The following ST8SIA6 variants were observed in gnomAD, a reference collection of about 807,000 sequenced individuals.
ST8SIA6 encodes the protein ST8 alpha-N-acetyl-neuraminide alpha-2,8-sialyltransferase 6, also known as alpha-2,8-sialyltransferase 8F.
A neutral mutation model predicts 33.6 loss-of-function variants in ST8SIA6; 39 were observed. The ratio of observed to expected loss-of-function variants is 1.16; its 90% CI spans 0.90 to 1.52. The LOEUF is 1.52. Ranked by LOEUF, ST8SIA6 falls within the 40% of genes most tolerant of loss-of-function variation. The pLI is 0.00. For synonymous variants in ST8SIA6, 172 were observed against 167.2 expected (o/e 1.03, Z -0.22); for missense variants, 441 against 443.8 (o/e 0.99, Z 0.06).
At chr10:17,429,471 C>T (rs533360132) in intron 2 of ST8SIA6, among the ~76,000 whole-genome samples, 4 of 151,850 alleles carry the variant, frequency 2.6e-5, no homozygotes, top group African/African-American at 4.8e-5. Flanking sequence ...CACAGCTCAG[C>T]GGCTGCTTTT....
rs572221878 is a variant in ST8SIA6 at position 17,315,667 on chromosome 10, T to C, written c.*5211A>G. Among the ~76,000 whole-genome samples the C allele has an allele frequency of 5.3e-5, 8 of 151,978 alleles. No individual in the cohort carries two copies. The East Asian group carries it at 1.5e-3, about 29-fold the overall frequency. ...TCCATTTATATAAAATTCTAAAAAA[T>C]GTAAACAGTCTATAGTGTAAAAATG... On this transcript the variant is annotated 3_prime_UTR_variant, in exon 8 of 8. Transcript: ENST00000377602.
rs906724686 is a variant in ST8SIA6, at chr10:17,454,171, C to T, written c.85G>A (p.Ala29Thr). 25 of 279,712 alleles carry T rather than the reference C, an allele frequency of 8.9e-5. No individual in the cohort carries two copies. Among genetic ancestry groups the T allele is most frequent in the Non-Finnish European group, 1.4e-4 (21 of 152,476 alleles). 17.3% of individuals were successfully genotyped at this position (279,712 alleles called of 1,614,324 possible). ...LLRLLWCPAD[A>T]PGRARILVEE... ...GTGGGTTACCTGGCGCGGCCGGGCG[C>T]GTCTGCCGGGCACCAGAGCAGGCGC... The change falls in exon 1 of 8, where the codon GCG (alanine) becomes ACG (threonine). Residue 29 changes from alanine to threonine, a missense_variant. Coordinates refer to ENST00000377602, the MANE Select transcript of ST8SIA6 (RefSeq NM_001004470.3). The surrounding 1 kb of genome is among the most constrained non-coding windows in gnomAD (Gnocchi z 4.1).
chr10:17,339,653 G>A (rs1465440435), intron 4 of ST8SIA6, among the ~76,000 whole-genome samples: 1 of 151,956 alleles, frequency 6.6e-6, no homozygotes, highest in Non-Finnish European at 1.5e-5. Context: ...CATTTGACAT[G>A]TAATTCATGG....
chr10:17,354,923 T>A (rs943516303), intron 4 of ST8SIA6, among the ~76,000 whole-genome samples: 2 of 152,180 alleles, frequency 1.3e-5, no homozygotes, highest in African/African-American at 2.4e-5. Context: ...TAGTTAAGCC[T>A]TTCATGTTTC....
rs1248914538 is a variant in ST8SIA6, at chr10:17,319,681, A to G, written c.*1197T>C. Among the ~76,000 whole-genome samples the G allele has an allele frequency of 6.6e-6, 1 of 152,034 alleles. No individual in the cohort carries two copies. The highest frequency in any genetic ancestry group is 1.5e-5 in the Non-Finnish European group (1 of 68,012). ...TTAAGATAGGATATTATATGGGAAA[A>G]AAAAGTAAGCTCTAAATGTCCTAAC... On this transcript the variant is annotated 3_prime_UTR_variant, in exon 8 of 8. Transcript: ENST00000377602.
rs60070400 is a variant in ST8SIA6, at chr10:17,427,103, G to GAA, written c.200+26454_200+26455dup. On this transcript the variant is annotated intron_variant, in intron 2 of 7. Coordinates refer to ENST00000377602, the MANE Select transcript of ST8SIA6 (RefSeq NM_001004470.3). Reference sequence around the variant, plus strand: ...TGGGAGACAGAGCAAGACTGTGTCTGAAAAAAAAAAAAAAAGTTCTGTGCA... The same window carrying GAA: ...TGGGAGACAGAGCAAGACTGTGTCTGAAAAAAAAAAAAAAAAAGTTCTGTGCA... 4.1e-3 allele frequency among the ~76,000 whole-genome samples: 541 copies of GAA among 133,518 alleles called. 1 individual carries two copies. Among genetic ancestry groups the GAA allele is most frequent in the Non-Finnish European group, 6.2e-3 (388 of 62,602 alleles). 87.6% of individuals were successfully genotyped at this position (133,518 alleles called of 152,430 possible).
At chr10:17,406,187 C>T (rs1364419339) in intron 2 of ST8SIA6, among the ~76,000 whole-genome samples, 1 of 152,152 alleles carries the variant, frequency 6.6e-6, no homozygotes, top group African/African-American at 2.4e-5. Flanking sequence ...CTTCTGTTTG[C>T]CTAAAAGCAG....
chr10:17,442,971 T>C (rs777540800), intron 2 of ST8SIA6, among the ~76,000 whole-genome samples: 5 of 152,164 alleles, frequency 3.3e-5, no homozygotes, highest in Non-Finnish European at 5.9e-5. Context: ...GTGAAAAAGA[T>C]AGACAAGGCT....
chr10:17,365,464 A>G (rs976927346), intron 3 of ST8SIA6, among the ~76,000 whole-genome samples: 8 of 152,218 alleles, frequency 5.3e-5, no homozygotes, highest in African/African-American at 1.9e-4. Flanking sequence ...GGAACCTTCC[A>G]GAAATAAACA....
chr10:17,323,224 TGC>T, intron 6 of ST8SIA6, 67 bp from the exon 7 acceptor site: 6 of 853,980 alleles, frequency 7.0e-6, no homozygotes, highest in Admixed American at 2.1e-5. Context: ...TACACACATA[TGC>T]GCGCACACAC....
chr10:17,422,736 A>C (rs1361158129), intron 2 of ST8SIA6, among the ~76,000 whole-genome samples: 1 of 152,186 alleles, frequency 6.6e-6, no homozygotes, highest in African/African-American at 2.4e-5. Flanking sequence ...TGCTGTGTCT[A>C]TGTCTTTACA....
At chr10:17,424,549 C>T (rs1851874943) in intron 2 of ST8SIA6, among the ~76,000 whole-genome samples, 1 of 152,056 alleles carries the variant, frequency 6.6e-6, no homozygotes, top group African/African-American at 2.4e-5. Flanking sequence ...AAAGATTGTG[C>T]TCTGATTGTC....
At chr10:17,439,201 A>G (rs759596631) in intron 2 of ST8SIA6, among the ~76,000 whole-genome samples, 3 of 151,872 alleles carry the variant, frequency 2.0e-5, no homozygotes, top group South Asian at 2.1e-4. Flanking sequence ...TTAGGTATTC[A>G]GCTTTTTACA....
chr10:17,371,800 A>G (rs554642765), intron 3 of ST8SIA6, among the ~76,000 whole-genome samples: 43 of 144,086 alleles, frequency 3.0e-4, no homozygotes, highest in African/African-American at 6.9e-4. Context: ...AAAAAAAAAA[A>G]AAAGAAAGAA....
chr10:17,450,490 G>C (rs1198126664), intron 2 of ST8SIA6, among the ~76,000 whole-genome samples: 2 of 152,126 alleles, frequency 1.3e-5, no homozygotes, highest in Non-Finnish European at 2.9e-5. Flanking sequence ...ACCCAGGCTG[G>C]AGTGCAGTGT....
chr10:17,448,966 T>C (rs1176076384), intron 2 of ST8SIA6, among the ~76,000 whole-genome samples: 8 of 151,228 alleles, frequency 5.3e-5, no homozygotes, highest in Non-Finnish European at 4.4e-5. Context: ...GAAATTAATA[T>C]TATTTAAGAA....
At chr10:17,346,552 C>T (rs1451131426) in intron 4 of ST8SIA6, among the ~76,000 whole-genome samples, 5 of 152,126 alleles carry the variant, frequency 3.3e-5, no homozygotes, top group Admixed American at 2.6e-4. Flanking sequence ...TGTGATGGTG[C>T]CACTGCATAC....
At chr10:17,333,883 G>A (rs183335474) in intron 4 of ST8SIA6, among the ~76,000 whole-genome samples, 295 of 150,222 alleles carry the variant, frequency 2.0e-3, no homozygotes, top group African/African-American at 6.9e-3. Context: ...TACCATGTCC[G>A]GCTAATTTTT....
At chr10:17,345,722 C>A (rs968496963) in intron 4 of ST8SIA6, among the ~76,000 whole-genome samples, 51 of 152,032 alleles carry the variant, frequency 3.4e-4, no homozygotes, top group African/African-American at 1.2e-3. Flanking sequence ...TGGGAGAGGG[C>A]AAAGCATTGA....
Sources: allele counts gnomAD v4.1 joint callset (sites outside exome capture counted in the v4.1 genomes callset), GRCh38; gene constraint gnomAD v4.1.1; non-coding constraint Gnocchi (gnomAD v3.1); transcripts MANE v1.5; gene names NCBI Gene and HGNC (gene_info 2026-07-23, HGNC 2026-07-21).